Variants in NAALADL2 observed in about 807,000 individuals in gnomAD.
The protein encoded by NAALADL2 is N-acetylated alpha-linked acidic dipeptidase like 2, also known as inactive N-acetylated-alpha-linked acidic dipeptidase-like protein 2.
A neutral mutation model predicts 87.2 loss-of-function variants in NAALADL2; 76 were observed. The observed-to-expected ratio is 0.87, with a 90% CI of 0.72 to 1.05. NAALADL2 has a LOEUF of 1.05. Among genes scored for constraint, NAALADL2 ranks in the 50% least tolerant of loss-of-function variants. The probability of loss-of-function intolerance (pLI) is 0.00; values close to 1 mark genes in which losing one functional copy is unlikely to be tolerated. For missense variants in NAALADL2, 1,089 were observed against 945.8 expected, an observed-to-expected ratio of 1.15 and a Z score of -1.99; for synonymous variants, 354 against 331.0, an observed-to-expected ratio of 1.07 and a Z score of -0.75.
intron 3 of NAALADL2, among the ~76,000 whole-genome samples, chr3:174,843,393 G>A (rs567698727): frequency 1.5e-4 from 23 of 151,940 alleles, no homozygotes; most frequent in African/African-American, 5.5e-4. Context: ...TGGTTGAATA[G>A]CATTCCACTG....
At chr3:175,037,685 G>C (rs1033995498) in intron 1 of NAALADL2, among the ~76,000 whole-genome samples, 4 of 152,132 alleles carry the variant, frequency 2.6e-5, no homozygotes, top group Non-Finnish European at 5.9e-5. Context: ...CCTCATGCCT[G>C]CTTCTACCTC....
At chr3:174,574,007 T>A (rs562181331) in intron 2 of NAALADL2, among the ~76,000 whole-genome samples, 1 of 152,308 alleles carries the variant, frequency 6.6e-6, no homozygotes, top group East Asian at 1.9e-4. Context: ...CCACTAGACT[T>A]AGAATTTACA....
intron 2 of NAALADL2, among the ~76,000 whole-genome samples, chr3:174,679,206 T>A (rs571485913): frequency 1.3e-5 from 2 of 152,252 alleles, no homozygotes; most frequent in Non-Finnish European, 2.9e-5. Context: ...AAGTCTGAAC[T>A]TCTATTCTGC....
chr3:175,693,808 C>T (rs932772847), intron 11 of NAALADL2, among the ~76,000 whole-genome samples: 2 of 152,252 alleles, frequency 1.3e-5, no homozygotes, highest in South Asian at 4.2e-4. Flanking sequence ...AAGCGATTCT[C>T]CTGCCTCAGC....
intron 10 of NAALADL2, among the ~76,000 whole-genome samples, chr3:175,585,325 T>C (rs1720393088): frequency 6.6e-6 from 1 of 152,122 alleles, no homozygotes; most frequent in Non-Finnish European, 1.5e-5. Flanking sequence ...TTGACCAACA[T>C]GTTATGCAGG....
chr3:174,526,512 T>C (rs1253468573), intron 1 of NAALADL2, among the ~76,000 whole-genome samples: 1 of 152,234 alleles, frequency 6.6e-6, no homozygotes, highest in Non-Finnish European at 1.5e-5. Context: ...TGGCATATAA[T>C]ATATATTGAC....
intron 13 of NAALADL2, among the ~76,000 whole-genome samples, chr3:175,763,083 C>CAAATAAATAAATAAAT (rs34773320): frequency 0.031 from 4,574 of 148,726 alleles, 164 homozygotes; most frequent in African/African-American, 0.079. Context: ...GACTCTGACT[C>CAAATAAATAAATAAAT]AAATAAATAA....
At chr3:175,409,352 A>T (rs13082925) in intron 5 of NAALADL2, among the ~76,000 whole-genome samples, 2 of 151,508 alleles carry the variant, frequency 1.3e-5, no homozygotes, top group African/African-American at 2.4e-5. Flanking sequence ...GTTGTCCAGG[A>T]TGTCATTGAT....
At chr3:175,213,601 A>G (rs941512540) in intron 2 of NAALADL2, among the ~76,000 whole-genome samples, 7 of 152,182 alleles carry the variant, frequency 4.6e-5, no homozygotes, top group African/African-American at 1.7e-4. Flanking sequence ...ATGCATTTAC[A>G]TAGTGTAGTA....
intron 13 of NAALADL2, 28 bp from the exon 14 acceptor site, chr3:175,802,977 C>A (rs1164608638): frequency 7.3e-6 from 11 of 1,499,020 alleles, no homozygotes; most frequent in Middle Eastern, 3.4e-4. Context: ...GTGCATGAAA[C>A]ATTTATACAT....
chr3:175,771,518 A>G (rs73051409), intron 13 of NAALADL2, among the ~76,000 whole-genome samples: 382 of 152,274 alleles, frequency 2.5e-3, no homozygotes, highest in African/African-American at 9.0e-3. Flanking sequence ...TGAGATCAAG[A>G]GGTCAGCAGG....
At chr3:175,077,837 G>A (rs1323531449) in intron 1 of NAALADL2, among the ~76,000 whole-genome samples, 3 of 152,002 alleles carry the variant, frequency 2.0e-5, no homozygotes, top group Non-Finnish European at 2.9e-5. Context: ...AAAGAAGAAG[G>A]AATCTTTACC....
chr3:175,393,257 G>A (rs1300166623), intron 5 of NAALADL2, among the ~76,000 whole-genome samples: 3 of 117,376 alleles, frequency 2.6e-5, no homozygotes, highest in Non-Finnish European at 4.9e-5. Context: ...GTCCGGCCTG[G>A]GCGACAGAGC....
At chr3:174,825,695 C>T (rs954130716) in intron 3 of NAALADL2, among the ~76,000 whole-genome samples, 2 of 152,162 alleles carry the variant, frequency 1.3e-5, no homozygotes, top group Admixed American at 6.5e-5. Context: ...CTGTGGCTGA[C>T]GCCTCAAATT....
rs1015268561 is a variant in NAALADL2, at chr3:175,809,947, A to C, written c.*6744A>C. 6.6e-6 allele frequency: 1 copy of C among 151,974 alleles called. No homozygotes were observed. Among genetic ancestry groups the C allele is most frequent in the Non-Finnish European group, 1.5e-5 (1 of 67,944 alleles). The allele number at this position is 151,974 out of a possible 1,614,324, so 9.4% of individuals were successfully genotyped here. A position where few individuals can be genotyped will look rare whatever the true frequency, so the allele number is the denominator to read the frequency against. On this transcript the variant is annotated 3_prime_UTR_variant, in exon 14 of 14. Coordinates refer to ENST00000454872, the MANE Select transcript of NAALADL2 (RefSeq NM_207015.3). ...ATTTGGAGGAAAATTTTTCCAAATA[A>C]ATTTGCTTTGATTAAAAACACATAT...
chr3:175,190,821 A>C (rs951929609), intron 2 of NAALADL2, among the ~76,000 whole-genome samples: 21 of 151,454 alleles, frequency 1.4e-4, no homozygotes, highest in Non-Finnish European at 2.1e-4. Context: ...CTAAAAATAC[A>C]AAAAAAATTA....
chr3:174,699,276 T>A (rs866610216), intron 2 of NAALADL2, among the ~76,000 whole-genome samples: 1 of 152,058 alleles, frequency 6.6e-6, no homozygotes, highest in Non-Finnish European at 1.5e-5. Context: ...GGCAGGAGGA[T>A]CATAAGGTCA....
intron 6 of NAALADL2, among the ~76,000 whole-genome samples, chr3:175,463,177 G>A (rs1723416166): frequency 6.6e-6 from 1 of 152,094 alleles, no homozygotes; most frequent in African/African-American, 2.4e-5. Flanking sequence ...GGTTCAAAGA[G>A]GCTAGCAATT....
rs1553857551 is a variant in NAALADL2, at chr3:175,314,690, A to ATATAGTTCTAAC, written c.940-9481_940-9480insGTTCTAACTATA. 9.7e-5 allele frequency among the ~76,000 whole-genome samples: 5 copies of ATATAGTTCTAAC among 51,458 alleles called. 1 individual carries two copies. The highest frequency in any genetic ancestry group is 2.0e-4 in the Admixed American group (1 of 5,054). 33.8% of individuals were successfully genotyped at this position (51,458 alleles called of 152,430 possible). A position where few individuals can be genotyped will look rare whatever the true frequency, so the allele number is the denominator to read the frequency against. ...ACTATATATATATATATATATATAT[A>ATATAGTTCTAAC]TATATATATATATATATATATATAT... On this transcript the variant is annotated intron_variant, in intron 4 of 13. Coordinates refer to ENST00000454872, the MANE Select transcript of NAALADL2 (RefSeq NM_207015.3).
Sources: gnomAD v4.1 joint callset for allele counts (sites outside exome capture counted in the v4.1 genomes callset) on GRCh38, gnomAD v4.1.1 for gene constraint, MANE v1.5 for transcripts, NCBI Gene and HGNC (gene_info 2026-07-23, HGNC 2026-07-21) for gene names.